The following LARS2 variants were observed in gnomAD, a reference collection of about 807,000 sequenced individuals.
LARS2 encodes leucine--tRNA ligase, mitochondrial.
Under a neutral mutation model 116.6 loss-of-function variants are expected in LARS2, and 81 were observed. The observed-to-expected ratio is 0.69, with a 90% CI of 0.58 to 0.84. LARS2 has a LOEUF of 0.84. Among genes scored for constraint, LARS2 ranks in the 40% least tolerant of loss-of-function variants. The pLI, the probability that LARS2 is intolerant of heterozygous loss-of-function variation, is 0.00. For synonymous variants in LARS2, 396 were observed against 407.2 expected (o/e 0.97, Z 0.33); for missense variants, 968 against 1,114.5 (o/e 0.87, Z 1.87).
In LARS2 at chr3:45,493,068, C is replaced by T. The variant is rs1338844186; in HGVS notation, c.1523+1268C>T. On this transcript the variant is annotated intron_variant, in intron 13 of 21. Transcript: ENST00000645846. ...GCTGCAGAATTACTGGAGGGCAGAA[C>T]CTAGGCCTTGGTGTTGGGCAAGGCT... is the stretch of plus-strand genomic sequence containing the variant. Among the ~76,000 whole-genome samples, 3 of 151,886 alleles carry T rather than the reference C, an allele frequency of 2.0e-5. No homozygotes were observed. The East Asian group carries it at 5.8e-4, about 29-fold the overall frequency.
chr3:45,412,717 T>C (rs990560043), intron 4 of LARS2, among the ~76,000 whole-genome samples: 1 of 152,172 alleles, frequency 6.6e-6, no homozygotes, highest in African/African-American at 2.4e-5. Context: ...AAATGCAGCA[T>C]AGGATGTGGC....
At chr3:45,431,541 C>T (rs1267251765) in intron 6 of LARS2, among the ~76,000 whole-genome samples, 1 of 151,984 alleles carries the variant, frequency 6.6e-6, no homozygotes, top group Non-Finnish European at 1.5e-5. Context: ...AGGGACGGAG[C>T]TGTATAGAGG....
At position 45,400,309 on chromosome 3, in the gene LARS2, G is replaced by A. The variant is rs1698122159; in HGVS notation, c.299G>A (p.Gly100Asp). 1.2e-6 allele frequency: 2 copies of A among 1,613,370 alleles called. No individual in the cohort carries two copies. The highest frequency in any genetic ancestry group is 1.7e-5 in the Admixed American group (1 of 59,960). ...TATCCTTCTGGTAAGCTGCACATGG[G>A]CCATGTGCGTGTCTACACCATCAGC... ...FPYPSGKLHMGHVRVYTISDT... is the reference protein window; with the variant it reads ...FPYPSGKLHMDHVRVYTISDT... Residue 100 changes from glycine to aspartate, a missense_variant, in exon 4 of 22, where the codon GGC (glycine) becomes GAC (aspartate). Gly to Asp is a moderately conservative substitution (Grantham distance 94, BLOSUM62 -1). Transcript: ENST00000645846.
At chr3:45,463,874 C>A (rs1421267760) in intron 8 of LARS2, among the ~76,000 whole-genome samples, 3 of 151,982 alleles carry the variant, frequency 2.0e-5, no homozygotes, top group Admixed American at 1.3e-4. Flanking sequence ...ATCTGCCCAG[C>A]GGTCCAAGGA....
At position 45,500,463 on chromosome 3, in the gene LARS2, C is replaced by G. The variant is rs752860163; in HGVS notation, c.1644C>G (p.Ala548=). 1.2e-6 allele frequency: 2 copies of G among 1,605,506 alleles called. No homozygotes were observed. The highest frequency in any genetic ancestry group is 3.5e-5 in the Admixed American group (2 of 57,848). The part of the protein sequence containing the change: ...NPHSPFNTAV[A]DYWMPVDLYI... The stretch of plus-strand genomic sequence containing the variant: ...ACAGCCCTTTTAACACAGCAGTGGC[C>G]GATTACTGGATGCCTGTGGATTTGT... The change falls in exon 15 of 22, where the codon GCC becomes GCG. Residue 548 remains alanine (A), a synonymous_variant. Coordinates refer to ENST00000645846, the MANE Select transcript of LARS2 (RefSeq NM_015340.4).
intron 4 of LARS2, among the ~76,000 whole-genome samples, chr3:45,407,584 C>T (rs1371625981): frequency 6.6e-6 from 1 of 152,190 alleles, no homozygotes; most frequent in Non-Finnish European, 1.5e-5. Flanking sequence ...TGAGTTATTA[C>T]ACTTGCTAAA....
chr3:45,405,322 C>G (rs1448322478), intron 4 of LARS2, among the ~76,000 whole-genome samples: 1 of 152,190 alleles, frequency 6.6e-6, no homozygotes, highest in East Asian at 1.9e-4. Flanking sequence ...TAAGACCTAA[C>G]AACTCCTTTG....
At chr3:45,429,828 A>G (rs1698661998) in intron 6 of LARS2, among the ~76,000 whole-genome samples, 1 of 149,736 alleles carries the variant, frequency 6.7e-6, no homozygotes, top group Admixed American at 6.7e-5. Flanking sequence ...CAGCCTCCCA[A>G]GTAGCTGGGA....
At chr3:45,511,127 G>C (rs1284499846) in intron 15 of LARS2, among the ~76,000 whole-genome samples, 1 of 152,178 alleles carries the variant, frequency 6.6e-6, no homozygotes, top group Non-Finnish European at 1.5e-5. Context: ...CCCTGCTCTA[G>C]ATGATCCATC....
chr3:45,527,993 A>C (rs957040754), intron 20 of LARS2, among the ~76,000 whole-genome samples: 1 of 152,042 alleles, frequency 6.6e-6, no homozygotes, highest in African/African-American at 2.4e-5. Flanking sequence ...CCTAACCATC[A>C]CCCTCTAGAA....
chr3:45,495,858 G>C (rs1700001952), intron 13 of LARS2, among the ~76,000 whole-genome samples: 1 of 151,794 alleles, frequency 6.6e-6, no homozygotes, highest in Non-Finnish European at 1.5e-5. Context: ...TTCATATGTG[G>C]CTTTATTCTT....
chr3:45,488,846 A>G lies in LARS2; in HGVS notation c.1239+34A>G, dbSNP rs116642917. 2.9e-3 allele frequency: 3,675 copies of G among 1,281,246 alleles called. 66 individuals carry two copies. In the African/African-American group the frequency reaches 0.047, roughly 16 times the overall value. 79.4% of individuals were successfully genotyped at this position (1,281,246 alleles called of 1,614,324 possible). ...CTAAGAACTTACTTCCAGAATGATC[A>G]CCTTGATACGACTTTGATAGACATT... On this transcript the variant is annotated intron_variant, in intron 12 of 21. Transcript: ENST00000645846.
intron 4 of LARS2, among the ~76,000 whole-genome samples, chr3:45,415,684 C>T (rs1698401183): frequency 6.6e-6 from 1 of 151,820 alleles, no homozygotes; most frequent in Non-Finnish European, 1.5e-5. Flanking sequence ...CCCATCTCTA[C>T]TAAAAATACA....
chr3:45,491,059 A>G (rs1349092274), intron 12 of LARS2, among the ~76,000 whole-genome samples: 1 of 152,218 alleles, frequency 6.6e-6, no homozygotes, highest in African/African-American at 2.4e-5. Context: ...TTAAAAATCC[A>G]TATCGTGCAG....
intron 6 of LARS2, among the ~76,000 whole-genome samples, chr3:45,420,681 G>A (rs1357996588): frequency 3.9e-5 from 6 of 152,114 alleles, no homozygotes; most frequent in African/African-American, 1.4e-4. Context: ...ATAGGGAATC[G>A]CTCATAGAGA....
intron 6 of LARS2, among the ~76,000 whole-genome samples, chr3:45,446,572 C>CA (rs555741287): frequency 1.6e-4 from 24 of 152,298 alleles, no homozygotes; most frequent in African/African-American, 5.8e-4. Flanking sequence ...TTTGTGCTGA[C>CA]AAAAATGTTA....
At chr3:45,396,689 C>G (rs780094700) in intron 3 of LARS2, among the ~76,000 whole-genome samples, 1 of 152,194 alleles carries the variant, frequency 6.6e-6, no homozygotes, top group Non-Finnish European at 1.5e-5. Flanking sequence ...CACTGTCTTT[C>G]AATTGATTAT....
At chr3:45,396,642 T>A (rs911486155) in intron 3 of LARS2, among the ~76,000 whole-genome samples, 31 of 152,212 alleles carry the variant, frequency 2.0e-4, no homozygotes, top group African/African-American at 7.0e-4. Context: ...ATTTAAAAAA[T>A]AATTTGCATT....
At chr3:45,503,651 G>A (rs1700154001) in intron 15 of LARS2, among the ~76,000 whole-genome samples, 1 of 151,822 alleles carries the variant, frequency 6.6e-6, no homozygotes, top group Non-Finnish European at 1.5e-5. Flanking sequence ...TGTATTACCA[G>A]AAGCATAATT....
Sources: allele counts gnomAD v4.1 joint callset (sites outside exome capture counted in the v4.1 genomes callset), GRCh38; gene constraint gnomAD v4.1.1; transcripts MANE v1.5; gene names NCBI Gene and HGNC (gene_info 2026-07-23, HGNC 2026-07-21).